Variants in MAP3K20 observed in about 807,000 individuals in gnomAD.
MAP3K20 encodes the protein mitogen-activated protein kinase kinase kinase 20.
A neutral mutation model predicts 85.7 loss-of-function variants in MAP3K20; 40 were observed. The ratio of observed to expected loss-of-function variants is 0.47; its 90% CI spans 0.36 to 0.61. The LOEUF is 0.61. Ranked by LOEUF, MAP3K20 falls within the 20% of genes least tolerant of loss-of-function variation. The pLI is 0.00. For synonymous variants in MAP3K20, 325 were observed against 327.7 expected (o/e 0.99, Z 0.09); for missense variants, 817 against 961.7 (o/e 0.85, Z 1.99).
intron 2 of MAP3K20, among the ~76,000 whole-genome samples, chr2:173,116,916 A>C (rs1157331159): frequency 1.3e-5 from 2 of 152,248 alleles, no homozygotes; most frequent in African/African-American, 4.8e-5. Flanking sequence ...ATGATTTTAC[A>C]TAAATCCAGA....
At chr2:173,194,763 A>G (rs924188399) in intron 7 of MAP3K20, among the ~76,000 whole-genome samples, 6 of 130,888 alleles carry the variant, frequency 4.6e-5, no homozygotes, top group East Asian at 2.1e-4. Context: ...ATTAAAAAAA[A>G]GGTTTTTTTT....
intron 7 of MAP3K20, among the ~76,000 whole-genome samples, chr2:173,194,100 T>G (rs3769166): frequency 0.22 from 33,567 of 152,054 alleles, 4,620 homozygotes; most frequent in East Asian, 0.57. Flanking sequence ...TGAGTGAGTC[T>G]ATTTTAAAAC....
chr2:173,120,897 A>G (rs185417157), intron 2 of MAP3K20, among the ~76,000 whole-genome samples: 1 of 151,614 alleles, frequency 6.6e-6, no homozygotes, highest in Admixed American at 6.6e-5. Flanking sequence ...TTTAGTAGAG[A>G]CATGTTTCAC....
chr2:173,177,412 A>G (rs1690191505), intron 3 of MAP3K20, among the ~76,000 whole-genome samples: 1 of 149,558 alleles, frequency 6.7e-6, no homozygotes, highest in Non-Finnish European at 1.5e-5. Context: ...ACAGCTAAAT[A>G]CCTACTGGGT....
At chr2:173,141,846 A>T (rs1013170452) in intron 2 of MAP3K20, among the ~76,000 whole-genome samples, 1 of 152,196 alleles carries the variant, frequency 6.6e-6, no homozygotes, top group African/African-American at 2.4e-5. Flanking sequence ...AAAAAGACAC[A>T]TTACATAAAG....
chr2:173,099,465 T>C (rs766823874), intron 2 of MAP3K20, among the ~76,000 whole-genome samples: 1 of 151,942 alleles, frequency 6.6e-6, no homozygotes, highest in African/African-American at 2.4e-5. Context: ...GATTAACAGG[T>C]GCAAGCCCTC....
At chr2:173,097,364 TACAA>T (rs1167996159) in intron 2 of MAP3K20, among the ~76,000 whole-genome samples, 1 of 152,030 alleles carries the variant, frequency 6.6e-6, no homozygotes, top group Non-Finnish European at 1.5e-5. Flanking sequence ...TCAAAATCAA[TACAA>T]AAACAAAAAC....
chr2:173,093,349 G>A (rs115598012), intron 2 of MAP3K20, among the ~76,000 whole-genome samples: 2,374 of 152,170 alleles, frequency 0.016, 60 homozygotes, highest in African/African-American at 0.054. Context: ...TAAAATGTTC[G>A]CAGCTCATTT....
chr2:173,255,271 T>C (rs1226548864), intron 16 of MAP3K20, among the ~76,000 whole-genome samples: 2 of 152,220 alleles, frequency 1.3e-5, no homozygotes, highest in African/African-American at 4.8e-5. Context: ...TCCGCCTGCC[T>C]GTTGTCCATG....
intron 16 of MAP3K20, among the ~76,000 whole-genome samples, chr2:173,239,706 G>A (rs955545611): frequency 6.6e-6 from 1 of 152,132 alleles, no homozygotes; most frequent in Non-Finnish European, 1.5e-5. Flanking sequence ...AGCTGAAGAC[G>A]CCCATGTGAG....
intron 2 of MAP3K20, among the ~76,000 whole-genome samples, chr2:173,096,324 C>A (rs1468676639): frequency 3.4e-5 from 5 of 145,012 alleles, no homozygotes; most frequent in Admixed American, 7.2e-5. Context: ...ATGTATGTCA[C>A]TCTCTTTTTT....
intron 2 of MAP3K20, among the ~76,000 whole-genome samples, chr2:173,142,673 G>T (rs1236320127): frequency 1.3e-5 from 2 of 151,868 alleles, no homozygotes; most frequent in Non-Finnish European, 2.9e-5. Context: ...GCCAATGAAT[G>T]AATGAAAATG....
intron 2 of MAP3K20, among the ~76,000 whole-genome samples, chr2:173,163,096 A>G (rs1689712563): frequency 6.6e-6 from 1 of 152,254 alleles, no homozygotes; most frequent in South Asian, 2.1e-4. Context: ...CATATAGAGT[A>G]CATAAATGGA....
chr2:173,217,505 G>C (rs1298272486), intron 11 of MAP3K20, among the ~76,000 whole-genome samples: 2 of 152,214 alleles, frequency 1.3e-5, no homozygotes, highest in Non-Finnish European at 2.9e-5. Flanking sequence ...TTCTGTCAGT[G>C]TGTTTATATA....
chr2:173,150,316 T>G (rs1166778020), intron 2 of MAP3K20, among the ~76,000 whole-genome samples: 1 of 152,198 alleles, frequency 6.6e-6, no homozygotes, highest in East Asian at 1.9e-4. Flanking sequence ...ATCTTGGTCT[T>G]TGGATTTAGA....
chr2:173,160,186 A>G (rs1214053072), intron 2 of MAP3K20: 1 of 152,192 alleles, frequency 6.6e-6, no homozygotes, highest in African/African-American at 2.4e-5. Context: ...AATACTAAAG[A>G]GCATCATTTG....
chr2:173,150,576 T>C (rs1341326579), intron 2 of MAP3K20, among the ~76,000 whole-genome samples: 1 of 152,218 alleles, frequency 6.6e-6, no homozygotes, highest in Non-Finnish European at 1.5e-5. Flanking sequence ...AAAAAAATTT[T>C]TTTTCTTTGA....
At chr2:173,193,395 C>T (rs1207637676) in intron 7 of MAP3K20, among the ~76,000 whole-genome samples, 1 of 151,876 alleles carries the variant, frequency 6.6e-6, no homozygotes, top group Non-Finnish European at 1.5e-5. Flanking sequence ...GACCTTAAGA[C>T]ACAACTATAC....
chr2:173,193,779 G>T (rs1256969817), intron 7 of MAP3K20, among the ~76,000 whole-genome samples: 1 of 152,144 alleles, frequency 6.6e-6, no homozygotes, highest in Non-Finnish European at 1.5e-5. Flanking sequence ...CCACATTTCA[G>T]TAGAAGGGCT....
Sources: allele counts gnomAD v4.1 joint callset (sites outside exome capture counted in the v4.1 genomes callset), GRCh38; gene constraint gnomAD v4.1.1; transcripts MANE v1.5; gene names NCBI Gene and HGNC (gene_info 2026-07-23, HGNC 2026-07-21).